Variants in BRIP1 observed in about 807,000 individuals in gnomAD.
BRIP1 encodes BRCA1 interacting DNA helicase 1.
In BRIP1, 88 loss-of-function variants were observed where a neutral mutation model predicts 119.7. The ratio of observed to expected loss-of-function variants is 0.74; its 90% CI spans 0.62 to 0.88. BRIP1 has a LOEUF of 0.88. BRIP1 is among the 40% of genes least tolerant of loss of function. The pLI is 0.00. For synonymous variants in BRIP1, 443 were observed against 496.5 expected, an observed-to-expected ratio of 0.89 and a Z score of 1.43; for missense variants, 1,259 against 1,455.4, an observed-to-expected ratio of 0.87 and a Z score of 2.20.
At chr17:61,764,331 A>C (rs1019424139) in intron 14 of BRIP1, among the ~76,000 whole-genome samples, 1 of 152,188 alleles carries the variant, frequency 6.6e-6, no homozygotes, top group African/African-American at 2.4e-5. Flanking sequence ...ACCCACTTAC[A>C]TTGTATTCAC....
At position 61,776,475 on chromosome 17, in the gene BRIP1, C is replaced by T. The variant is rs1603328683; in HGVS notation, c.2023G>A (p.Glu675Lys). ...QNTETFEFQD[E>K]VGALLLSVCQ... Reference sequence around the variant, plus strand: ...ACAGATAACAAAAGTGCTCCCACTTCATCTTGGAACTCAAATGTTTCAGTA... The same window carrying T: ...ACAGATAACAAAAGTGCTCCCACTTTATCTTGGAACTCAAATGTTTCAGTA... The change falls in exon 14 of 20, where the codon GAA (glutamate) becomes AAA (lysine). Residue 675 changes from glutamate to lysine, a missense_variant. Physicochemically the swap from Glu to Lys is moderately conservative, Grantham distance 56 (BLOSUM62 1). Coordinates refer to ENST00000259008, the MANE Select transcript of BRIP1 (RefSeq NM_032043.3). This position sits in a 1 kb window ranked among gnomAD's most constrained non-coding sequence, Gnocchi z 5.0. The T allele has an allele frequency of 6.2e-7, 1 of 1,614,180 alleles. No homozygotes were observed. The highest frequency in any genetic ancestry group is 1.7e-5 in the Admixed American group (1 of 60,020).
intron 16 of BRIP1, among the ~76,000 whole-genome samples, chr17:61,731,604 T>C (rs2076843741): frequency 6.6e-6 from 1 of 152,230 alleles, no homozygotes; most frequent in African/African-American, 2.4e-5. Flanking sequence ...ACACATGCTG[T>C]TCTCTCTGTT....
intron 16 of BRIP1, among the ~76,000 whole-genome samples, chr17:61,719,632 G>A (rs2061939398): frequency 6.6e-6 from 1 of 151,556 alleles, no homozygotes; most frequent in Non-Finnish European, 1.5e-5. Flanking sequence ...GGCTGAGGCA[G>A]AAGAATGGCA....
rs568933722 is a variant in BRIP1, at chr17:61,816,910, A to G, written c.628-8153T>C. Among the ~76,000 whole-genome samples the G allele has an allele frequency of 6.6e-6, 1 of 152,232 alleles. No homozygotes were observed. The highest frequency in any genetic ancestry group is 1.5e-5 in the Non-Finnish European group (1 of 68,032). On this transcript the variant is annotated intron_variant, in intron 6 of 19. Transcript: ENST00000259008. The surrounding 1 kb of genome is among the most constrained non-coding windows in gnomAD (Gnocchi z 5.0). ...GCAACTTTCCTGTACTAACTGATTC[A>G]GGCAAGTTACATAAATGGATGCTGA...
chr17:61,853,351 TGAG>T lies in BRIP1; in HGVS notation c.379+3704_379+3706del, dbSNP rs1459263012. 6.6e-6 allele frequency among the ~76,000 whole-genome samples: 1 copy of T among 151,614 alleles called. No homozygotes were observed. Among genetic ancestry groups the T allele is most frequent in the Admixed American group, 6.6e-5 (1 of 15,208 alleles). ...AAGGGACAGTGACTGAAAAAGAAGA[TGAG>T]GAGGGCCTCTGGGGTGTTGGTAATG... On this transcript the variant is annotated intron_variant, in intron 4 of 19. Coordinates refer to ENST00000259008, the MANE Select transcript of BRIP1 (RefSeq NM_032043.3). The surrounding 1 kb of genome is among the most constrained non-coding windows in gnomAD (Gnocchi z 4.3).
rs2061482140 is a variant in BRIP1, at chr17:61,693,649, C to CA, written c.2493-138dup. On this transcript the variant is annotated intron_variant, in intron 17 of 19. Transcript: ENST00000259008. The surrounding 1 kb of genome is among the most constrained non-coding windows in gnomAD (Gnocchi z 4.2). ...CAATTTGTTATTATCAGAAAAGTTA[C>CA]AGAAGCTATCCAACACAATGTAACA... The CA allele has an allele frequency of 1.2e-5, 9 of 731,884 alleles. No individual in the cohort carries two copies. The highest frequency in any genetic ancestry group is 2.1e-5 in the Non-Finnish European group (9 of 431,420). 45.3% of individuals were successfully genotyped at this position (731,884 alleles called of 1,614,324 possible).
Position 61,862,178 on chromosome 17 carries a change from T to G in BRIP1, c.-30-609A>C, listed in dbSNP as rs1029048528. 6.5e-6 allele frequency: 1 copy of G among 153,564 alleles called. No homozygotes were observed. Among genetic ancestry groups the G allele is most frequent in the Admixed American group, 6.5e-5 (1 of 15,500 alleles). The allele number at this position is 153,564 out of a possible 1,614,324, so 9.5% of individuals were successfully genotyped here. A position where few individuals can be genotyped will look rare whatever the true frequency, so the allele number is the denominator to read the frequency against. ...GTATGTTATCTTTGACATATCTTTT[T>G]ACTTCTCTAGTCTAAGATCCTTACC... is the stretch of plus-strand genomic sequence containing the variant. On this transcript the variant is annotated intron_variant, in intron 1 of 19. Transcript: ENST00000259008. The surrounding 1 kb of genome is among the most constrained non-coding windows in gnomAD (Gnocchi z 5.3).
Position 61,861,163 on chromosome 17 carries a change from TA to T in BRIP1, c.93+283del, listed in dbSNP as rs2078967511. 6.6e-6 allele frequency among the ~76,000 whole-genome samples: 1 copy of T among 152,176 alleles called. No individual in the cohort carries two copies. Among genetic ancestry groups the T allele is most frequent in the African/African-American group, 2.4e-5 (1 of 41,450 alleles). On this transcript the variant is annotated intron_variant, in intron 2 of 19. Transcript: ENST00000259008. This position sits in a 1 kb window ranked among gnomAD's most constrained non-coding sequence, Gnocchi z 4.5. ...AAATAGTATTCTGTGTAAAAGATAG[TA>T]AATACTCTGTTTTTACTTAAAAGTA... is the stretch of plus-strand genomic sequence containing the variant.
rs770416347 is a variant in BRIP1 at position 61,801,491 on chromosome 17, A to G, written c.919-17T>C. 3.2e-6 allele frequency: 5 copies of G among 1,547,564 alleles called. No homozygotes were observed. Among genetic ancestry groups the G allele is most frequent in the East Asian group, 2.2e-5 (1 of 44,534 alleles). On this transcript the variant is annotated splice_polypyrimidine_tract_variant and intron_variant, in intron 7 of 19. Coordinates refer to ENST00000259008, the MANE Select transcript of BRIP1 (RefSeq NM_032043.3). Reference sequence around the variant, plus strand: ...GGATTTTCCCTAGAAACAAATATGCATAACTGAAATGTGAACCAATATTAG... The same window carrying G: ...GGATTTTCCCTAGAAACAAATATGCGTAACTGAAATGTGAACCAATATTAG...
rs2077208308 is a variant in BRIP1 at position 61,756,951 on chromosome 17, A to G, written c.2098-12360T>C. Among the ~76,000 whole-genome samples the G allele has an allele frequency of 6.6e-6, 1 of 152,200 alleles. No homozygotes were observed. The highest frequency in any genetic ancestry group is 2.4e-5 in the African/African-American group (1 of 41,454). On this transcript the variant is annotated intron_variant, in intron 14 of 19. Transcript: ENST00000259008. This position sits in a 1 kb window ranked among gnomAD's most constrained non-coding sequence, Gnocchi z 4.3. ...AATAGGCCTGCCTAAACAGACTACCATCTTTTGTAATCTTACTCACATAAT... is the reference window on the plus strand; with the variant it reads ...AATAGGCCTGCCTAAACAGACTACCGTCTTTTGTAATCTTACTCACATAAT...
At chr17:61,835,606 T>A (rs2078559885) in intron 6 of BRIP1, among the ~76,000 whole-genome samples, 1 of 151,836 alleles carries the variant, frequency 6.6e-6, no homozygotes, top group South Asian at 2.1e-4. Flanking sequence ...ATAGTGGGAA[T>A]TGGTGAATAA....
In BRIP1 at chr17:61,734,469, A is replaced by G. The variant is rs1252443318; in HGVS notation, c.2379+8544T>C. Among the ~76,000 whole-genome samples, 2 of 152,190 alleles carry G rather than the reference A, an allele frequency of 1.3e-5. No homozygotes were observed. Among genetic ancestry groups the G allele is most frequent in the African/African-American group, 4.8e-5 (2 of 41,460 alleles). ...TCTGGGAAAGGTGGAAGTGAAAAAA[A>G]TCCTCACTGGGAAAGTTAGCTTAAT... On this transcript the variant is annotated intron_variant, in intron 16 of 19. Coordinates refer to ENST00000259008, the MANE Select transcript of BRIP1 (RefSeq NM_032043.3). This position sits in a 1 kb window ranked among gnomAD's most constrained non-coding sequence, Gnocchi z 5.2.
At chr17:61,786,901 T>A (rs1207955635) in intron 10 of BRIP1, among the ~76,000 whole-genome samples, 1 of 98,418 alleles carries the variant, frequency 1.0e-5, no homozygotes, top group Non-Finnish European at 1.8e-5. Flanking sequence ...ATATTTTATA[T>A]ATAATGTAAA....
chr17:61,728,462 C>T (rs186554222), intron 16 of BRIP1, among the ~76,000 whole-genome samples: 33 of 152,096 alleles, frequency 2.2e-4, no homozygotes, highest in African/African-American at 6.3e-4. Context: ...AATATATGAA[C>T]ATAAAAGGTA....
chr17:61,796,090 T>G lies in BRIP1; in HGVS notation c.1341-2361A>C, dbSNP rs115731077. 2.8e-3 allele frequency among the ~76,000 whole-genome samples: 429 copies of G among 152,256 alleles called. 2 individuals carry two copies. Among genetic ancestry groups the G allele is most frequent in the African/African-American group, 9.2e-3 (382 of 41,574 alleles). ...GTCTATTCAAATCTTTTGTCCATTT[T>G]TAATTAGATTATTAGATTTTTTCCT... On this transcript the variant is annotated intron_variant, in intron 9 of 19. Transcript: ENST00000259008. This position sits in a 1 kb window ranked among gnomAD's most constrained non-coding sequence, Gnocchi z 4.8.
Position 61,710,414 on chromosome 17 carries a change from A to G in BRIP1, c.2492+5537T>C, listed in dbSNP as rs1449693587. Reference sequence around the variant, plus strand: ...AAAACAGATAGGCTATTACAATACAATGAGATATGTGCTATAATACAGATA... The same window carrying G: ...AAAACAGATAGGCTATTACAATACAGTGAGATATGTGCTATAATACAGATA... On this transcript the variant is annotated intron_variant, in intron 17 of 19. Transcript: ENST00000259008. The surrounding 1 kb of genome is among the most constrained non-coding windows in gnomAD (Gnocchi z 5.4). Among the ~76,000 whole-genome samples, 3 of 152,180 alleles carry G rather than the reference A, an allele frequency of 2.0e-5. No individual in the cohort carries two copies. The highest frequency in any genetic ancestry group is 3.9e-4 in the East Asian group (2 of 5,192).
Position 61,861,629 on chromosome 17 carries a change from C to A in BRIP1, c.-30-60G>T. The A allele has an allele frequency of 1.1e-6, 1 of 940,534 alleles. No homozygotes were observed. Among genetic ancestry groups the A allele is most frequent in the Non-Finnish European group, 1.7e-6 (1 of 578,390 alleles). The allele number at this position is 940,534 out of a possible 1,614,324, so 58.3% of individuals were successfully genotyped here. On this transcript the variant is annotated intron_variant, in intron 1 of 19. Coordinates refer to ENST00000259008, the MANE Select transcript of BRIP1 (RefSeq NM_032043.3). The surrounding 1 kb of genome is among the most constrained non-coding windows in gnomAD (Gnocchi z 4.5). Reference sequence around the variant, plus strand: ...ACGCCTTACAAAGAAAACCAGAGAACCAAAACTAAGGGAGAAATCTGGAAA... The same window carrying A: ...ACGCCTTACAAAGAAAACCAGAGAAACAAAACTAAGGGAGAAATCTGGAAA...
rs1180628135 is a variant in BRIP1 at position 61,709,194 on chromosome 17, G to C, written c.2492+6757C>G. On this transcript the variant is annotated intron_variant, in intron 17 of 19. Transcript: ENST00000259008. This position sits in a 1 kb window ranked among gnomAD's most constrained non-coding sequence, Gnocchi z 5.0. ...AAAGTGCTTGTTGACTATCATCAATGTAGATTTAAATTTCAGCTTTCTCTT... is the reference window on the plus strand; with the variant it reads ...AAAGTGCTTGTTGACTATCATCAATCTAGATTTAAATTTCAGCTTTCTCTT... 6.6e-6 allele frequency among the ~76,000 whole-genome samples: 1 copy of C among 152,140 alleles called. No individual in the cohort carries two copies. Among genetic ancestry groups the C allele is most frequent in the Non-Finnish European group, 1.5e-5 (1 of 68,030 alleles).
intron 6 of BRIP1, among the ~76,000 whole-genome samples, chr17:61,811,434 G>A (rs1048780197): frequency 6.6e-6 from 1 of 151,788 alleles, no homozygotes; most frequent in Non-Finnish European, 1.5e-5. Context: ...TGTTGGTCAA[G>A]CTGGTCTCGA....
Sources: gnomAD v4.1 joint callset for allele counts (sites outside exome capture counted in the v4.1 genomes callset) on GRCh38, gnomAD v4.1.1 for gene constraint, Gnocchi (gnomAD v3.1) non-coding constraint, MANE v1.5 for transcripts, NCBI Gene and HGNC (gene_info 2026-07-23, HGNC 2026-07-21) for gene names.